CAST: variants seen among roughly 807,000 people sequenced by gnomAD.
CAST encodes the protein MIR583 host.
A neutral mutation model predicts 119.6 loss-of-function variants in CAST; 76 were observed. The ratio of observed to expected loss-of-function variants is 0.64; its 90% CI spans 0.53 to 0.77. CAST has a LOEUF of 0.77. CAST is among the 30% of genes least tolerant of loss of function. CAST has a pLI of 0.00. For missense variants in CAST, 953 were observed against 946.5 expected (o/e 1.01, Z -0.09); for synonymous variants, 319 against 331.6 (o/e 0.96, Z 0.41).
At chr5:96,297,835 T>C in the CAST span, among the ~76,000 whole-genome samples, 3 of 152,222 alleles carry the variant, frequency 2.0e-5, no homozygotes, top group African/African-American at 7.2e-5. Flanking sequence ...ATGGTGTCTT[T>C]CCTATAAGAC....
At chr5:96,482,118 A>C in the CAST span, among the ~76,000 whole-genome samples, 1 of 152,124 alleles carries the variant, frequency 6.6e-6, no homozygotes, top group African/African-American at 2.4e-5. Flanking sequence ...CAATTTAATT[A>C]AAACAGTGAA....
chr5:96,262,598 C>T, the CAST span, among the ~76,000 whole-genome samples: 2 of 152,252 alleles, frequency 1.3e-5, no homozygotes, highest in East Asian at 1.9e-4. Flanking sequence ...GGTGCAATCT[C>T]GGCTCACTGC....
chr5:96,637,405 G>A (rs1747900680), intron 1 of CAST, among the ~76,000 whole-genome samples: 1 of 152,168 alleles, frequency 6.6e-6, no homozygotes, highest in South Asian at 2.1e-4. Flanking sequence ...TCTGGAATGT[G>A]GCTTTCCAAC....
the CAST span, among the ~76,000 whole-genome samples, chr5:96,003,904 T>G: frequency 3.3e-5 from 5 of 152,194 alleles, no homozygotes; most frequent in Non-Finnish European, 1.5e-5. Flanking sequence ...AAGGAGAGAA[T>G]TATATTCAGG....
At chr5:96,090,466 C>T in the CAST span, among the ~76,000 whole-genome samples, 5 of 152,100 alleles carry the variant, frequency 3.3e-5, no homozygotes, top group African/African-American at 7.2e-5. Flanking sequence ...CTTCACACTT[C>T]TTAGTGGCTG....
chr5:96,579,014 A>C (rs8180490), intron 1 of CAST, among the ~76,000 whole-genome samples: 9,140 of 152,188 alleles, frequency 0.06, 835 homozygotes, highest in East Asian at 0.31. Flanking sequence ...AAGAAAGTGG[A>C]AGGGGTTTCC....
the CAST span, among the ~76,000 whole-genome samples, chr5:96,298,922 C>A: frequency 1.3e-5 from 2 of 148,316 alleles, no homozygotes; most frequent in Admixed American, 6.8e-5. Context: ...AGACAGAATT[C>A]TCTATTTCTA....
the CAST span, among the ~76,000 whole-genome samples, chr5:96,094,530 T>C: frequency 3.9e-5 from 6 of 152,154 alleles, no homozygotes; most frequent in African/African-American, 1.4e-4. Context: ...AAGAGAGCTG[T>C]GCTGCGAGTC....
At chr5:96,481,669 A>T in the CAST span, among the ~76,000 whole-genome samples, 1 of 152,180 alleles carries the variant, frequency 6.6e-6, no homozygotes, top group Non-Finnish European at 1.5e-5. Flanking sequence ...TTCAAAAGGG[A>T]CTCAAACAAC....
the CAST span, among the ~76,000 whole-genome samples, chr5:96,209,485 A>G: frequency 1.3e-5 from 2 of 151,836 alleles, no homozygotes; most frequent in Non-Finnish European, 2.9e-5. Context: ...GCACTCCCTT[A>G]AGGACCTCTT....
chr5:96,750,622 G>A lies in CAST; in HGVS notation c.1464G>A (p.Glu488=). ...SKAAAPAPVS[E]AVCRTSMCSI... is the part of the protein sequence containing the mutation. ...CCGCTGCTCCAGCTCCTGTGTCGGA[G>A]GCTGTGTGTCGGACCTCCATGTGTA... Residue 488 remains glutamate, a synonymous_variant, in exon 20 of 32, where the codon GAG becomes GAA. Transcript: ENST00000675179. 6.2e-7 allele frequency: 1 copy of A among 1,613,422 alleles called. No individual in the cohort carries two copies. The highest frequency in any genetic ancestry group is 1.3e-5 in the African/African-American group (1 of 74,940).
chr5:96,407,785 C>A, the CAST span, among the ~76,000 whole-genome samples: 1 of 152,128 alleles, frequency 6.6e-6, no homozygotes, highest in African/African-American at 2.4e-5. Context: ...CTTACATATT[C>A]AAAGAAAGGA....
the CAST span, chr5:95,961,517 A>G: frequency 1.4e-6 from 2 of 1,399,276 alleles, 1 homozygote; most frequent in South Asian, 3.1e-5. Flanking sequence ...GGGCGCGGCC[A>G]GGCCGTGAGG....
the CAST span, chr5:96,416,162 A>G: frequency 7.3e-7 from 1 of 1,372,558 alleles, no homozygotes; most frequent in Admixed American, 1.7e-5. Flanking sequence ...ATACAGAAGA[A>G]CAAACATTTG....
chr5:96,707,320 A>G (rs886470277), intron 3 of CAST, among the ~76,000 whole-genome samples: 7 of 151,966 alleles, frequency 4.6e-5, no homozygotes, highest in African/African-American at 1.7e-4. Flanking sequence ...ACTTTATTTG[A>G]GGAAGATATT....
the CAST span, among the ~76,000 whole-genome samples, chr5:96,265,640 C>T: frequency 6.6e-6 from 1 of 152,120 alleles, no homozygotes; most frequent in Non-Finnish European, 1.5e-5. Context: ...GATTCAAATG[C>T]TAATCACTTC....
At chr5:96,590,981 A>C (rs1746952406) in intron 1 of CAST, among the ~76,000 whole-genome samples, 2 of 152,248 alleles carry the variant, frequency 1.3e-5, no homozygotes, top group African/African-American at 4.8e-5. Context: ...ACGGTGTTTC[A>C]TGAATATTGC....
the CAST span, among the ~76,000 whole-genome samples, chr5:96,092,924 G>A: frequency 8.5e-5 from 13 of 152,264 alleles, no homozygotes; most frequent in African/African-American, 2.9e-4. Context: ...GCAGAGTGGG[G>A]CCTAGAATCC....
At chr5:96,366,720 G>A in the CAST span, among the ~76,000 whole-genome samples, 7 of 152,102 alleles carry the variant, frequency 4.6e-5, no homozygotes, top group African/African-American at 1.4e-4. Context: ...ATTCTAGTTA[G>A]CCACTCACCT....
Sources: allele counts gnomAD v4.1 joint callset (sites outside exome capture counted in the v4.1 genomes callset), GRCh38; gene constraint gnomAD v4.1.1; transcripts MANE v1.5; gene names NCBI Gene and HGNC (gene_info 2026-07-23, HGNC 2026-07-21).